Variants in ARL6IP1 observed in about 807,000 individuals in gnomAD.
The protein encoded by ARL6IP1 is ADP-ribosylation factor-like protein 6-interacting protein 1.
A neutral mutation model predicts 30.1 loss-of-function variants in ARL6IP1; 16 were observed. The ratio of observed to expected loss-of-function variants is 0.53; its 90% CI spans 0.36 to 0.81. The LOEUF is 0.81. Among genes scored for constraint, ARL6IP1 ranks in the 30% least tolerant of loss-of-function variants. ARL6IP1 has a pLI of 0.01. For missense variants in ARL6IP1, 173 were observed against 242.7 expected (o/e 0.71, Z 1.91); for synonymous variants, 72 against 84.8 (o/e 0.85, Z 0.83).
At chr16:18,798,532 G>A (rs2030312106) in intron 2 of ARL6IP1, 169 bp downstream of exon 2, 3 of 692,688 alleles carry the variant, frequency 4.3e-6, no homozygotes, top group African/African-American at 1.8e-5. Flanking sequence ...GTTTACAGAA[G>A]TACTACAAAT....
At position 18,793,205 on chromosome 16, in the gene ARL6IP1, C is replaced by G. The variant is rs200893931; in HGVS notation, c.*47G>C. 31 of 1,295,134 alleles carry G rather than the reference C, an allele frequency of 2.4e-5. No individual in the cohort carries two copies. The highest frequency in any genetic ancestry group is 3.0e-5 in the Non-Finnish European group (27 of 904,624). The allele number at this position is 1,295,134 out of a possible 1,614,324, so 80.2% of individuals were successfully genotyped here. The stretch of plus-strand genomic sequence containing the variant: ...CCAGATAGTACAGCAGAAACGGTTC[C>G]CGGGGCAATGGGTGCTGCATTAATC... On this transcript the variant is annotated 3_prime_UTR_variant, in exon 6 of 6. Transcript: ENST00000304414.
At chr16:18,799,552 A>AT (rs2030346333) in intron 1 of ARL6IP1, among the ~76,000 whole-genome samples, 1 of 152,210 alleles carries the variant, frequency 6.6e-6, no homozygotes, top group African/African-American at 2.4e-5. Context: ...GATGGTTAGA[A>AT]TTGATCCGTT....
rs1225442059 is a variant in ARL6IP1 at position 18,794,596 on chromosome 16, T to G, written c.493+3A>C. 6.2e-7 allele frequency: 1 copy of G among 1,610,306 alleles called. No homozygotes were observed. Among genetic ancestry groups the G allele is most frequent in the African/African-American group, 1.3e-5 (1 of 74,954 alleles). On this transcript the variant is annotated splice_donor_region_variant and intron_variant, in intron 5 of 5. Coordinates refer to ENST00000304414, the MANE Select transcript of ARL6IP1 (RefSeq NM_015161.3). ...TGCCTGTAGTTTTTCCTCAAAGACT[T>G]ACCTATCAGGTAGGTGAGAAGCAGG...
chr16:18,795,905 A>T (rs1231533995), intron 3 of ARL6IP1, among the ~76,000 whole-genome samples: 1 of 152,228 alleles, frequency 6.6e-6, no homozygotes, highest in Non-Finnish European at 1.5e-5. Context: ...TAAAGAAATC[A>T]GTATAAATTT....
rs1255652969 is a variant in ARL6IP1, at chr16:18,793,144, G to C, written c.*108C>G. The C allele has an allele frequency of 1.4e-6, 1 of 714,144 alleles. No individual in the cohort carries two copies. The highest frequency in any genetic ancestry group is 2.5e-5 in the Admixed American group (1 of 39,524). The allele number at this position is 714,144 out of a possible 1,614,324, so 44.2% of individuals were successfully genotyped here. A position where few individuals can be genotyped will look rare whatever the true frequency, so the allele number is the denominator to read the frequency against. ...TTCTATTAACTAAGGGCAGAGTGAG[G>C]GAGAACAAAGAGCTACTTCCGTAAC... On this transcript the variant is annotated 3_prime_UTR_variant, in exon 6 of 6. Coordinates refer to ENST00000304414, the MANE Select transcript of ARL6IP1 (RefSeq NM_015161.3).
At chr16:18,801,147 C>T in intron 1 of ARL6IP1, 1 of 1,360,062 alleles carries the variant, frequency 7.4e-7, no homozygotes, top group Non-Finnish European at 9.5e-7. Context: ...CCACCCGCAC[C>T]CCAGGCTAGT....
In ARL6IP1 at chr16:18,793,333, A is replaced by G; in HGVS notation, c.531T>C (p.His177=). The G allele has an allele frequency of 6.2e-7, 1 of 1,612,892 alleles. No homozygotes were observed. Among genetic ancestry groups the G allele is most frequent in the Non-Finnish European group, 8.5e-7 (1 of 1,179,630 alleles). The change falls in exon 6 of 6, where the codon CAT becomes CAC. Residue 177 remains histidine, a synonymous_variant. Transcript: ENST00000304414. ...SLLLLPGLNQ[H]GIILKYIGMA... Reference sequence around the variant, plus strand: ...TTCCAATGTACTTCAAAATGATTCCATGTTGGTTTAGTCCAGGAAGCAATA... The same window carrying G: ...TTCCAATGTACTTCAAAATGATTCCGTGTTGGTTTAGTCCAGGAAGCAATA...
chr16:18,794,743 A>C lies in ARL6IP1; in HGVS notation c.409-60T>G, dbSNP rs868119157. On this transcript the variant is annotated intron_variant, in intron 4 of 5. Coordinates refer to ENST00000304414, the MANE Select transcript of ARL6IP1 (RefSeq NM_015161.3). ...TCATGTGACACCATAAATATATGTA[A>C]TTTTTATTTGTCAATTAAAGAAGAA... is the stretch of plus-strand genomic sequence containing the variant. The C allele has an allele frequency of 8.3e-6, 10 of 1,198,372 alleles. No individual in the cohort carries two copies. In the African/African-American group the frequency reaches 1.5e-4, roughly 18 times the overall value. The allele number at this position is 1,198,372 out of a possible 1,614,324, so 74.2% of individuals were successfully genotyped here.
chr16:18,801,525 G>A lies in ARL6IP1; in HGVS notation c.-59C>T, dbSNP rs571679596. 8 of 1,593,116 alleles carry A rather than the reference G, an allele frequency of 5.0e-6. No homozygotes were observed. The highest frequency in any genetic ancestry group is 2.3e-5 in the East Asian group (1 of 44,194). On this transcript the variant is annotated 5_prime_UTR_variant, in exon 1 of 6. Transcript: ENST00000304414. ...CACCTCCCCAACGAGTCCTCCAACC[G>A]AAACCCGCACACCAACCACAACCCG...
At chr16:18,799,921 A>T (rs1019976369) in intron 1 of ARL6IP1, among the ~76,000 whole-genome samples, 1 of 152,188 alleles carries the variant, frequency 6.6e-6, no homozygotes, top group Non-Finnish European at 1.5e-5. Context: ...TCTCTATGTT[A>T]TCAGGCTGGA....
Position 18,793,219 on chromosome 16 carries a change from G to T in ARL6IP1, c.*33C>A. ...AGAAACGGTTCCCGGGGCAATGGGT[G>T]CTGCATTAATCACACTGATTAAAGC... On this transcript the variant is annotated 3_prime_UTR_variant, in exon 6 of 6. Transcript: ENST00000304414. 1 of 1,409,596 alleles carries T rather than the reference G, an allele frequency of 7.1e-7. No homozygotes were observed. Among genetic ancestry groups the T allele is most frequent in the Non-Finnish European group, 1.0e-6 (1 of 1,001,670 alleles). The allele number at this position is 1,409,596 out of a possible 1,614,324, so 87.3% of individuals were successfully genotyped here. A position where few individuals can be genotyped will look rare whatever the true frequency, so the allele number is the denominator to read the frequency against.
Position 18,798,745 on chromosome 16 carries a change from G to C in ARL6IP1, c.126C>G (p.Ala42=), listed in dbSNP as rs1286676352. ...CACCCATGATGGCAGGTGGAAACCA[G>C]GCTCTTTCCCATCGGAGGACTTTAT... ...MADKVLRWER[A]WFPPAIMGVV... The change falls in exon 2 of 6, where the codon GCC becomes GCG. Residue 42 remains alanine, a synonymous_variant. Coordinates refer to ENST00000304414, the MANE Select transcript of ARL6IP1 (RefSeq NM_015161.3). The C allele has an allele frequency of 6.2e-7, 1 of 1,614,140 alleles. No homozygotes were observed. Among genetic ancestry groups the C allele is most frequent in the Admixed American group, 1.7e-5 (1 of 60,014 alleles).
At chr16:18,794,222 G>T (rs990435726) in intron 5 of ARL6IP1, among the ~76,000 whole-genome samples, 3 of 152,176 alleles carry the variant, frequency 2.0e-5, no homozygotes, top group African/African-American at 7.2e-5. Flanking sequence ...AAAGTGCTGG[G>T]ATTACAGGCT....
intron 3 of ARL6IP1, among the ~76,000 whole-genome samples, chr16:18,795,786 TGAGA>T (rs749868800): frequency 1.3e-4 from 19 of 149,676 alleles, no homozygotes; most frequent in South Asian, 2.1e-4. Flanking sequence ...ACTATGTGTG[TGAGA>T]GAGAGAGTGT....
chr16:18,797,736 A>G lies in ARL6IP1; in HGVS notation c.290+189T>C, dbSNP rs535054605. 24 of 626,880 alleles carry G rather than the reference A, an allele frequency of 3.8e-5. 1 individual carries two copies. In the South Asian group the frequency reaches 6.0e-4, roughly 16 times the overall value. 38.8% of individuals were successfully genotyped at this position (626,880 alleles called of 1,614,324 possible). The stretch of plus-strand genomic sequence containing the variant: ...TATGTGCATTTACCATAAAAGAACT[A>G]TGGAGTACAGAAAATTCATAGTTTA... On this transcript the variant is annotated intron_variant, in intron 3 of 5. Transcript: ENST00000304414.
chr16:18,795,016 C>CTTTTTTTT (rs35734251), intron 4 of ARL6IP1, among the ~76,000 whole-genome samples: 1 of 133,286 alleles, frequency 7.5e-6, no homozygotes, highest in African/African-American at 2.7e-5. Flanking sequence ...AGATGCTTTC[C>CTTTTTTTT]TTTTTTTTTT....
intron 3 of ARL6IP1, among the ~76,000 whole-genome samples, chr16:18,797,381 CA>C (rs58429351): frequency 2.0e-3 from 162 of 82,712 alleles, no homozygotes; most frequent in Admixed American, 2.4e-3. Flanking sequence ...GCCTCCATCT[CA>C]AAAAAAAAAA....
At chr16:18,795,760 G>A (rs1255243639) in intron 3 of ARL6IP1, among the ~76,000 whole-genome samples, 179 bp from the exon 4 acceptor site, 3 of 152,098 alleles carry the variant, frequency 2.0e-5, no homozygotes, top group Non-Finnish European at 4.4e-5. Context: ...TAGCACAGGA[G>A]TAAGTATTTA....
At chr16:18,797,022 T>G (rs2030252056) in intron 3 of ARL6IP1, among the ~76,000 whole-genome samples, 1 of 152,084 alleles carries the variant, frequency 6.6e-6, no homozygotes, top group Non-Finnish European at 1.5e-5. Flanking sequence ...CTAGAGAAAG[T>G]TAAAATACTT....
Sources: allele counts gnomAD v4.1 joint callset (sites outside exome capture counted in the v4.1 genomes callset), GRCh38; gene constraint gnomAD v4.1.1; transcripts MANE v1.5; gene names NCBI Gene and HGNC (gene_info 2026-07-23, HGNC 2026-07-21).